LTBP1: variants seen among roughly 807,000 people sequenced by gnomAD.
LTBP1 encodes latent transforming growth factor beta binding protein 1.
LTBP1 carries 129 observed loss-of-function variants against 207.6 expected under a neutral mutation model. The ratio of observed to expected loss-of-function variants is 0.62; its 90% confidence interval spans 0.54 to 0.72. The LOEUF (loss-of-function observed/expected upper bound fraction) is 0.72, where lower values mean the gene tolerates loss of function less well. Among genes scored for constraint, LTBP1 ranks in the 30% least tolerant of loss-of-function variants. The pLI is 0.00. For missense variants in LTBP1, 2,281 were observed against 2,217.2 expected (o/e 1.03, Z -0.58); for synonymous variants, 963 against 833.7 (o/e 1.16, Z -2.67).
At chr2:33,013,396 A>AT (rs918634042) in intron 2 of LTBP1, among the ~76,000 whole-genome samples, 2 of 150,054 alleles carry the variant, frequency 1.3e-5, no homozygotes, top group Non-Finnish European at 3.0e-5. Flanking sequence ...TCTTTTTTTC[A>AT]TTTTTTGATT....
intron 18 of LTBP1, among the ~76,000 whole-genome samples, chr2:33,277,795 TTCTC>T (rs755630785): frequency 7.4e-5 from 8 of 108,018 alleles, no homozygotes; most frequent in East Asian, 6.1e-4. Flanking sequence ...CTTTCTTTCT[TTCTC>T]TCTCTCTTTC....
At chr2:33,202,717 G>C (rs1278615439) in intron 7 of LTBP1, among the ~76,000 whole-genome samples, 1 of 152,212 alleles carries the variant, frequency 6.6e-6, no homozygotes, top group Non-Finnish European at 1.5e-5. Flanking sequence ...GGTCAGTAGA[G>C]GGCAGAGGTG....
At chr2:33,372,412 A>C (rs2095080357) in intron 31 of LTBP1, among the ~76,000 whole-genome samples, 1 of 152,246 alleles carries the variant, frequency 6.6e-6, no homozygotes, top group Non-Finnish European at 1.5e-5. Flanking sequence ...ATGTGTCATC[A>C]AATCTGTAGC....
At chr2:33,349,102 A>G (rs1327028319) in intron 26 of LTBP1, among the ~76,000 whole-genome samples, 1 of 152,198 alleles carries the variant, frequency 6.6e-6, no homozygotes, top group Non-Finnish European at 1.5e-5. Context: ...GTGATTAAAA[A>G]CTAGAAATCA....
At chr2:33,191,186 G>A (rs1036776494) in intron 7 of LTBP1, among the ~76,000 whole-genome samples, 12 of 152,256 alleles carry the variant, frequency 7.9e-5, no homozygotes, top group Admixed American at 7.2e-4. Flanking sequence ...AGAAAATGAG[G>A]CATAACAAAC....
At chr2:33,227,407 A>G (rs184450147) in intron 9 of LTBP1, among the ~76,000 whole-genome samples, 6 of 152,360 alleles carry the variant, frequency 3.9e-5, no homozygotes, top group Admixed American at 3.9e-4. Context: ...TATAATTCCT[A>G]GAGCAATCAG....
intron 9 of LTBP1, among the ~76,000 whole-genome samples, chr2:33,234,082 G>A (rs1359958966): frequency 2.0e-5 from 3 of 151,958 alleles, no homozygotes; most frequent in Non-Finnish European, 2.9e-5. Context: ...TTTAGTGTCT[G>A]GCTTCTTTCA....
intron 5 of LTBP1, among the ~76,000 whole-genome samples, chr2:33,178,695 A>T (rs114450069): frequency 1.3e-5 from 2 of 152,140 alleles, no homozygotes; most frequent in Non-Finnish European, 2.9e-5. Flanking sequence ...GTAATGTCCT[A>T]TTTGCTTGAA....
At chr2:33,316,836 T>A (rs1559000693) in intron 24 of LTBP1, among the ~76,000 whole-genome samples, 1 of 152,156 alleles carries the variant, frequency 6.6e-6, no homozygotes, top group Non-Finnish European at 1.5e-5. Flanking sequence ...GAAACAGATT[T>A]GCAGAATTCC....
chr2:33,271,156 A>G (rs983447331), intron 15 of LTBP1, among the ~76,000 whole-genome samples: 5 of 152,256 alleles, frequency 3.3e-5, no homozygotes, highest in Non-Finnish European at 7.3e-5. Context: ...GTCCCTGCCA[A>G]ATGACAAATA....
chr2:33,350,589 C>T (rs2094767563), intron 26 of LTBP1, among the ~76,000 whole-genome samples: 1 of 152,180 alleles, frequency 6.6e-6, no homozygotes, highest in African/African-American at 2.4e-5. Context: ...TCTTGCTTCC[C>T]ACATATATAT....
chr2:33,065,677 G>A (rs2077473970), intron 3 of LTBP1, among the ~76,000 whole-genome samples: 1 of 152,166 alleles, frequency 6.6e-6, no homozygotes, highest in African/African-American at 2.4e-5. Flanking sequence ...AGGAATATTG[G>A]TCTGTGAGGG....
rs142645859 is a variant in LTBP1, at chr2:33,130,220, C to T, written c.1034-4573C>T. ...TCTCTCACACCCTGAAGAGTGTACACGTGACTTGTGTATTGAATCAGCCTG... is the reference window on the plus strand; with the variant it reads ...TCTCTCACACCCTGAAGAGTGTACATGTGACTTGTGTATTGAATCAGCCTG... On this transcript the variant is annotated intron_variant, in intron 4 of 33. Transcript: ENST00000404816. Among the ~76,000 whole-genome samples the T allele has an allele frequency of 2.6e-3, 389 of 152,256 alleles. 1 individual carries two copies. The highest frequency in any genetic ancestry group is 9.0e-3 in the African/African-American group (375 of 41,550).
intron 2 of LTBP1, among the ~76,000 whole-genome samples, chr2:32,994,173 G>A (rs1258211704): frequency 6.6e-6 from 1 of 152,176 alleles, no homozygotes; most frequent in Non-Finnish European, 1.5e-5. Flanking sequence ...CTTGTCATCA[G>A]AGGTCTTTAC....
At position 33,257,263 on chromosome 2, in the gene LTBP1, A is replaced by G. The variant is rs188411068; in HGVS notation, c.2168-21A>G. 4.8e-5 allele frequency: 76 copies of G among 1,590,542 alleles called. No individual in the cohort carries two copies. In the East Asian group the frequency reaches 1.6e-3, roughly 34 times the overall value. On this transcript the variant is annotated intron_variant, in intron 11 of 33. Transcript: ENST00000404816. ...GCACTGTTAGATTTTTAAAAGGAAT[A>G]TTTTCCCATCCCAAATCTAGCTGCT... is the stretch of plus-strand genomic sequence containing the variant.
At chr2:33,271,435 C>T (rs893897786) in intron 15 of LTBP1, among the ~76,000 whole-genome samples, 2 of 152,058 alleles carry the variant, frequency 1.3e-5, no homozygotes, top group African/African-American at 4.8e-5. Context: ...AAGGAAGCTT[C>T]TATGTATAAT....
intron 3 of LTBP1, among the ~76,000 whole-genome samples, chr2:33,032,576 G>C (rs1370565067): frequency 6.6e-6 from 1 of 152,138 alleles, no homozygotes. Context: ...ATCACACACA[G>C]ATGTATAATA....
chr2:33,105,841 A>T (rs553285019), intron 3 of LTBP1, among the ~76,000 whole-genome samples: 1 of 152,184 alleles, frequency 6.6e-6, no homozygotes, highest in Non-Finnish European at 1.5e-5. Context: ...TAAGACAACA[A>T]TGAAGTTTGC....
chr2:33,092,453 G>A (rs2079154189), intron 3 of LTBP1, among the ~76,000 whole-genome samples: 1 of 152,216 alleles, frequency 6.6e-6, no homozygotes, highest in Non-Finnish European at 1.5e-5. Context: ...AAAAAGGAAG[G>A]TTTAGAATTA....
Sources: gnomAD v4.1 joint callset for allele counts (sites outside exome capture counted in the v4.1 genomes callset) on GRCh38, gnomAD v4.1.1 for gene constraint, MANE v1.5 for transcripts, NCBI Gene and HGNC (gene_info 2026-07-23, HGNC 2026-07-21) for gene names.